TANC2: variants seen among roughly 807,000 people sequenced by gnomAD.
TANC2 encodes tetratricopeptide repeat, ankyrin repeat and coiled-coil containing 2.
Under a neutral mutation model 210.5 loss-of-function variants are expected in TANC2, and 26 were observed. That is an observed-to-expected ratio of 0.12 (90% confidence interval 0.09 to 0.17). The LOEUF is 0.17. TANC2 is among the 10% of genes least tolerant of loss of function. TANC2 has a pLI of 1.00. For missense variants in TANC2, 2,129 were observed against 2,608.9 expected, an observed-to-expected ratio of 0.82 and a Z score of 4.01; for synonymous variants, 931 against 967.1, an observed-to-expected ratio of 0.96 and a Z score of 0.69.
At chr17:63,101,842 A>G (rs1312261590) in intron 4 of TANC2, among the ~76,000 whole-genome samples, 2 of 152,192 alleles carry the variant, frequency 1.3e-5, no homozygotes, top group Non-Finnish European at 2.9e-5. Flanking sequence ...TGAGTTTTCA[A>G]TTTAAGAAGG....
intron 17 of TANC2, among the ~76,000 whole-genome samples, chr17:63,392,728 G>A (rs1047447289): frequency 1.3e-5 from 2 of 151,884 alleles, no homozygotes; most frequent in Admixed American, 6.6e-5. Context: ...TGAGGTGATG[G>A]GTATGCTAAT....
chr17:63,199,918 T>C (rs1470848961), intron 6 of TANC2, among the ~76,000 whole-genome samples: 1 of 152,232 alleles, frequency 6.6e-6, no homozygotes, highest in African/African-American at 2.4e-5. Context: ...TCTGTTTTAT[T>C]AGACAAACTT....
At chr17:63,067,967 T>C (rs2036260890) in intron 2 of TANC2, among the ~76,000 whole-genome samples, 1 of 152,220 alleles carries the variant, frequency 6.6e-6, no homozygotes, top group Non-Finnish European at 1.5e-5. Context: ...GGAAGCTGAC[T>C]GAATCCTTAA....
At chr17:63,338,304 A>G (rs552840774) in intron 11 of TANC2, among the ~76,000 whole-genome samples, 1 of 152,316 alleles carries the variant, frequency 6.6e-6, no homozygotes, top group South Asian at 2.1e-4. Context: ...ATTGTCTTTT[A>G]GATGAAACAT....
intron 4 of TANC2, among the ~76,000 whole-genome samples, chr17:63,100,407 G>T (rs537025116): frequency 1.8e-4 from 28 of 151,966 alleles, no homozygotes; most frequent in Non-Finnish European, 3.4e-4. Context: ...AGTCACTTTG[G>T]CCGTTAGATA....
At chr17:63,031,786 A>T (rs2034779310) in intron 2 of TANC2, among the ~76,000 whole-genome samples, 2 of 152,198 alleles carry the variant, frequency 1.3e-5, no homozygotes, top group African/African-American at 4.8e-5. Flanking sequence ...TAAATAAACC[A>T]GTATTACTAA....
At chr17:63,345,954 A>G (rs1173891571) in intron 12 of TANC2, among the ~76,000 whole-genome samples, 1 of 152,236 alleles carries the variant, frequency 6.6e-6, no homozygotes, top group Non-Finnish European at 1.5e-5. Flanking sequence ...TCAATGGAAC[A>G]GAATAGAGAA....
intron 9 of TANC2, among the ~76,000 whole-genome samples, chr17:63,281,468 G>T (rs893981919): frequency 6.6e-6 from 1 of 152,004 alleles, no homozygotes; most frequent in Admixed American, 6.6e-5. Flanking sequence ...TGCAAATAAA[G>T]AAACACCCAG....
intron 11 of TANC2, chr17:63,332,375 T>C (rs2045887028): frequency 6.4e-6 from 2 of 312,164 alleles, no homozygotes; most frequent in Admixed American, 4.3e-5. Flanking sequence ...GTTTTTCAAA[T>C]TCATTTCATT....
intron 2 of TANC2, among the ~76,000 whole-genome samples, chr17:63,067,143 C>G (rs985532212): frequency 2.0e-5 from 3 of 152,074 alleles, no homozygotes; most frequent in African/African-American, 7.2e-5. Context: ...TTTCATAACT[C>G]AAAACATTCA....
intron 2 of TANC2, among the ~76,000 whole-genome samples, chr17:63,059,123 TAA>T (rs2035907565): frequency 6.6e-6 from 1 of 152,114 alleles, no homozygotes; most frequent in African/African-American, 2.4e-5. Flanking sequence ...CTTTGGGAAT[TAA>T]TTTTTTTATG....
At chr17:63,223,991 T>C (rs577936746) in intron 7 of TANC2, among the ~76,000 whole-genome samples, 1 of 152,306 alleles carries the variant, frequency 6.6e-6, no homozygotes, top group East Asian at 1.9e-4. Flanking sequence ...TACAGTGGCA[T>C]TGCAAAGCCC....
At chr17:63,142,601 T>C (rs1307598069) in intron 4 of TANC2, among the ~76,000 whole-genome samples, 1 of 152,184 alleles carries the variant, frequency 6.6e-6, no homozygotes, top group Middle Eastern at 3.2e-3. Flanking sequence ...GCTGTTTCAT[T>C]GAGTTCTGCT....
intron 2 of TANC2, among the ~76,000 whole-genome samples, chr17:63,032,692 T>C (rs1023960562): frequency 6.6e-6 from 1 of 152,146 alleles, no homozygotes; most frequent in African/African-American, 2.4e-5. Flanking sequence ...GATACAGCAG[T>C]GCTATATATC....
rs149516738 is a variant in TANC2, at chr17:63,337,786, C to T, written c.1576-2315C>T. Among the ~76,000 whole-genome samples the T allele has an allele frequency of 2.1e-3, 314 of 152,242 alleles. 4 individuals carry two copies. Among genetic ancestry groups the T allele is most frequent in the Admixed American group, 7.0e-3 (107 of 15,282 alleles). On this transcript the variant is annotated intron_variant, in intron 11 of 27. Coordinates refer to ENST00000689528, the Ensembl canonical transcript of TANC2. ...CTCCCTCCTCCCACTCTCCGCCCTC[C>T]GGTAGGCCCCAGTTGTTGTTTCCCT... is the stretch of plus-strand genomic sequence containing the variant.
chr17:63,220,712 AAAAAAAAAT>A (rs1251114059), intron 7 of TANC2, among the ~76,000 whole-genome samples: 21 of 141,230 alleles, frequency 1.5e-4, no homozygotes, highest in Admixed American at 1.5e-3. Flanking sequence ...TCAAAAAAAA[AAAAAAAAAT>A]ATATATATAT....
At chr17:63,003,991 A>G (rs187135914) in intron 1 of TANC2, among the ~76,000 whole-genome samples, 1 of 152,290 alleles carries the variant, frequency 6.6e-6, no homozygotes, top group East Asian at 1.9e-4. Context: ...AATCATTAAC[A>G]GTGTACAACA....
chr17:62,991,224 CAAAT>C (rs1245247585), intron 1 of TANC2, among the ~76,000 whole-genome samples: 3 of 151,996 alleles, frequency 2.0e-5, no homozygotes, highest in Non-Finnish European at 2.9e-5. Context: ...ATTAAAAAAA[CAAAT>C]GAAATGATGA....
At chr17:63,359,680 A>G (rs143226894) in intron 14 of TANC2, among the ~76,000 whole-genome samples, 423 of 152,310 alleles carry the variant, frequency 2.8e-3, no homozygotes, top group Admixed American at 5.1e-3. Context: ...TTTGAATAAG[A>G]TACAAGAAGC....
Sources: gnomAD v4.1 joint callset for allele counts (sites outside exome capture counted in the v4.1 genomes callset) on GRCh38, gnomAD v4.1.1 for gene constraint, MANE v1.5 for transcripts, NCBI Gene and HGNC (gene_info 2026-07-23, HGNC 2026-07-21) for gene names.